The following LYN variants were observed in gnomAD, a reference collection of about 807,000 sequenced individuals.
The protein encoded by LYN is LYN proto-oncogene, Src family tyrosine kinase, also known as tyrosine-protein kinase Lyn.
LYN carries 12 observed loss-of-function variants against 65.0 expected under a neutral mutation model. The observed-to-expected ratio is 0.18, with a 90% confidence interval of 0.12 to 0.30. The LOEUF (loss-of-function observed/expected upper bound fraction) is 0.30. LYN is among the 10% of genes least tolerant of loss of function. The pLI is 1.00. For missense variants in LYN, 380 were observed against 623.2 expected (o/e 0.61, Z 4.16); for synonymous variants, 222 against 221.2 (o/e 1.00, Z -0.03).
chr8:56,002,617 A>ATTAAT (rs1808549351), intron 12 of LYN, among the ~76,000 whole-genome samples: 1 of 149,570 alleles, frequency 6.7e-6, no homozygotes, highest in African/African-American at 2.5e-5. Flanking sequence ...ATTAAATTAA[A>ATTAAT]TTAAATTAAA....
chr8:55,915,712 A>G (rs545734587), intron 1 of LYN, among the ~76,000 whole-genome samples: 1 of 152,336 alleles, frequency 6.6e-6, no homozygotes, highest in South Asian at 2.1e-4. Flanking sequence ...GTCTCAAAAA[A>G]TAATAAAAAA....
At chr8:55,917,046 G>C (rs1474251391) in intron 1 of LYN, among the ~76,000 whole-genome samples, 2 of 151,850 alleles carry the variant, frequency 1.3e-5, no homozygotes, top group Non-Finnish European at 2.9e-5. Context: ...GCGCCGTGGT[G>C]CATGCCAGTA....
At chr8:55,965,074 G>A (rs1309313304) in intron 8 of LYN, among the ~76,000 whole-genome samples, 1 of 152,012 alleles carries the variant, frequency 6.6e-6, no homozygotes, top group African/African-American at 2.4e-5. Context: ...GGAAGCAGAA[G>A]AGAGGACAGG....
intron 1 of LYN, among the ~76,000 whole-genome samples, chr8:55,934,767 C>G (rs1202206656): frequency 3.3e-5 from 5 of 152,120 alleles, no homozygotes; most frequent in African/African-American, 1.2e-4. Context: ...AGTCTTAAAC[C>G]CACTTCCCAC....
intron 1 of LYN, among the ~76,000 whole-genome samples, chr8:55,941,246 A>G (rs1317087863): frequency 6.6e-6 from 1 of 152,114 alleles, no homozygotes; most frequent in Non-Finnish European, 1.5e-5. Flanking sequence ...TCAACCACTC[A>G]GCTTCACATC....
At chr8:55,924,406 A>G (rs2130439082) in intron 1 of LYN, among the ~76,000 whole-genome samples, 1 of 151,262 alleles carries the variant, frequency 6.6e-6, no homozygotes. Context: ...TCTATGATCC[A>G]GGCTGGAGTG....
At chr8:55,977,185 C>CA (rs908343757) in intron 10 of LYN, among the ~76,000 whole-genome samples, 106 of 146,718 alleles carry the variant, frequency 7.2e-4, no homozygotes, top group South Asian at 2.4e-3. Flanking sequence ...GACTCTGTCT[C>CA]AAAAAAAAAA....
intron 1 of LYN, among the ~76,000 whole-genome samples, chr8:55,913,025 T>C (rs1466418459): frequency 6.6e-6 from 1 of 152,174 alleles, no homozygotes; most frequent in African/African-American, 2.4e-5. Context: ...AGTGATGTAA[T>C]AGAGTTAGTG....
intron 10 of LYN, among the ~76,000 whole-genome samples, chr8:55,981,646 G>A (rs568969258): frequency 3.3e-5 from 5 of 152,262 alleles, no homozygotes; most frequent in East Asian, 1.9e-4. Flanking sequence ...GTGAGCCACC[G>A]TGCCCGGCCA....
At chr8:55,890,848 C>T (rs531390794) in intron 1 of LYN, among the ~76,000 whole-genome samples, 4 of 152,010 alleles carry the variant, frequency 2.6e-5, no homozygotes, top group African/African-American at 9.7e-5. Context: ...CCACCTCAGC[C>T]TCTTGAGTAG....
chr8:55,909,763 T>C (rs937351305), intron 1 of LYN, among the ~76,000 whole-genome samples: 3 of 152,226 alleles, frequency 2.0e-5, no homozygotes, highest in Admixed American at 2.0e-4. Context: ...CCAATATCTA[T>C]TGACTTCTTG....
At chr8:55,902,536 A>G (rs1805298913) in intron 1 of LYN, among the ~76,000 whole-genome samples, 2 of 151,288 alleles carry the variant, frequency 1.3e-5, no homozygotes, top group South Asian at 4.2e-4. Flanking sequence ...GTACACTTAT[A>G]TTTTGACACC....
chr8:55,969,213 C>T (rs1055406732), intron 9 of LYN, among the ~76,000 whole-genome samples: 5 of 152,196 alleles, frequency 3.3e-5, no homozygotes, highest in Non-Finnish European at 7.3e-5. Context: ...GCTGATGCTG[C>T]AGTGAGATGT....
chr8:55,918,556 A>G (rs1434751931), intron 1 of LYN, among the ~76,000 whole-genome samples: 2 of 152,234 alleles, frequency 1.3e-5, no homozygotes, highest in African/African-American at 2.4e-5. Context: ...AGATCTAGAA[A>G]CGATTGTTAA....
At chr8:55,911,287 T>TATATA (rs1563506834) in intron 1 of LYN, among the ~76,000 whole-genome samples, 538 of 25,494 alleles carry the variant, frequency 0.021, 13 homozygotes, top group Non-Finnish European at 0.043. Flanking sequence ...ATATATATAT[T>TATATA]TTTTTTTTTT....
intron 2 of LYN, among the ~76,000 whole-genome samples, chr8:55,945,320 C>A (rs1322384267): frequency 6.6e-6 from 1 of 152,106 alleles, no homozygotes; most frequent in Non-Finnish European, 1.5e-5. Flanking sequence ...CTAGTTATTT[C>A]CTCTAAATCA....
chr8:55,904,210 C>A (rs1039411168), intron 1 of LYN, among the ~76,000 whole-genome samples: 3 of 151,914 alleles, frequency 2.0e-5, no homozygotes, highest in Non-Finnish European at 4.4e-5. Context: ...ATAAAATATA[C>A]CCTGAAGCTA....
At chr8:56,001,061 G>T (rs1356431992) in intron 12 of LYN, among the ~76,000 whole-genome samples, 2 of 152,044 alleles carry the variant, frequency 1.3e-5, no homozygotes, top group African/African-American at 4.8e-5. Context: ...ACAGAAGGGG[G>T]TGGGGAGCTG....
At chr8:55,939,416 C>CCCACAT (rs1454335624) in intron 1 of LYN, among the ~76,000 whole-genome samples, 1 of 152,114 alleles carries the variant, frequency 6.6e-6, no homozygotes, top group African/African-American at 2.4e-5. Flanking sequence ...CACCACCCCA[C>CCCACAT]CCACATCCAC....
Sources: allele counts gnomAD v4.1 joint callset (sites outside exome capture counted in the v4.1 genomes callset), GRCh38; gene constraint gnomAD v4.1.1; transcripts MANE v1.5; gene names NCBI Gene and HGNC (gene_info 2026-07-23, HGNC 2026-07-21).